The following SNX18 variants were observed in gnomAD, a reference collection of about 807,000 sequenced individuals.
SNX18 encodes the protein sorting nexin-18.
Under a neutral mutation model 48.7 loss-of-function variants are expected in SNX18, and 35 were observed. The ratio of observed to expected loss-of-function variants is 0.72; its 90% CI spans 0.55 to 0.95. The LOEUF (loss-of-function observed/expected upper bound fraction) is 0.95. Ranked by LOEUF, SNX18 falls within the 40% of genes least tolerant of loss-of-function variation. The pLI is 0.00. For synonymous variants in SNX18, 492 were observed against 384.7 expected, an observed-to-expected ratio of 1.28 and a Z score of -3.26; for missense variants, 824 against 871.0, an observed-to-expected ratio of 0.95 and a Z score of 0.68.
the SNX18 span, among the ~76,000 whole-genome samples, chr5:54,578,392 C>A: frequency 6.6e-6 from 1 of 152,196 alleles, no homozygotes; most frequent in African/African-American, 2.4e-5. Context: ...CAACTGTTTT[C>A]CCCCGTCCCC....
chr5:54,646,019 T>C, the SNX18 span: 3 of 152,332 alleles, frequency 2.0e-5, no homozygotes, highest in South Asian at 6.2e-4. Flanking sequence ...GGCCGGCTGG[T>C]TGGGAAACTT....
chr5:54,599,447 C>T, the SNX18 span, among the ~76,000 whole-genome samples: 1 of 152,118 alleles, frequency 6.6e-6, no homozygotes, highest in Non-Finnish European at 1.5e-5. Flanking sequence ...CATTAAACTA[C>T]CATTGACATT....
the SNX18 span, among the ~76,000 whole-genome samples, chr5:54,560,546 T>C: frequency 6.6e-6 from 1 of 152,160 alleles, no homozygotes; most frequent in African/African-American, 2.4e-5. Flanking sequence ...ACCTGAGTGA[T>C]GAAATAGTCT....
the SNX18 span, among the ~76,000 whole-genome samples, chr5:54,646,375 A>G: frequency 6.6e-6 from 1 of 152,236 alleles, no homozygotes; most frequent in African/African-American, 2.4e-5. Flanking sequence ...ACATGCCGGA[A>G]GTGAAACAGA....
Position 54,517,972 on chromosome 5 carries a change from C to T in SNX18, c.20C>T (p.Ala7Val), listed in dbSNP as rs1159260645. The change falls in exon 1 of 2, where the codon GCG becomes GTG. Residue 7 changes from alanine (A) to valine (V), a missense_variant. Transcript: ENST00000381410. MALRAR[A>V]LYDFRSENPG... ...GGGACCATGGCGCTGCGCGCCCGGG[C>T]GCTGTACGACTTCAGGTCGGAGAAC... 2.6e-6 allele frequency: 4 copies of T among 1,527,150 alleles called. No homozygotes were observed. The highest frequency in any genetic ancestry group is 3.5e-6 in the Non-Finnish European group (4 of 1,139,596). 94.6% of individuals were successfully genotyped at this position (1,527,150 alleles called of 1,614,324 possible).
chr5:54,647,910 G>A, the SNX18 span, among the ~76,000 whole-genome samples: 2 of 152,140 alleles, frequency 1.3e-5, no homozygotes, highest in Admixed American at 1.3e-4. Flanking sequence ...AGATGGAGAT[G>A]TCAAGGGTGA....
At chr5:54,573,300 A>G in the SNX18 span, among the ~76,000 whole-genome samples, 1 of 151,936 alleles carries the variant, frequency 6.6e-6, no homozygotes, top group East Asian at 1.9e-4. Context: ...TCCTTTCACT[A>G]CTTTTCTCTC....
chr5:54,605,132 G>A, the SNX18 span, among the ~76,000 whole-genome samples: 8 of 152,126 alleles, frequency 5.3e-5, no homozygotes, highest in Non-Finnish European at 7.4e-5. Context: ...GTCAGCATGA[G>A]GGCTGACTTC....
At chr5:54,561,355 T>A in the SNX18 span, among the ~76,000 whole-genome samples, 3 of 151,218 alleles carry the variant, frequency 2.0e-5, no homozygotes, top group African/African-American at 7.3e-5. Flanking sequence ...TTTATTTTTT[T>A]AAATTTTTAT....
chr5:54,567,784 C>G, the SNX18 span, among the ~76,000 whole-genome samples: 1 of 152,154 alleles, frequency 6.6e-6, no homozygotes, highest in African/African-American at 2.4e-5. Flanking sequence ...TCGGAAGGCA[C>G]CTCACCTCGA....
At chr5:54,520,713 A>C (rs570544782) in intron 1 of SNX18, 8 of 167,226 alleles carry the variant, frequency 4.8e-5, no homozygotes, top group Non-Finnish European at 8.8e-5. Flanking sequence ...CCGCCTTCAG[A>C]CATTTGGAGA....
the SNX18 span, among the ~76,000 whole-genome samples, chr5:54,630,065 G>T: frequency 2.1e-4 from 32 of 152,332 alleles, no homozygotes; most frequent in Admixed American, 1.9e-3. Flanking sequence ...TTGGTGTCAG[G>T]TTCCTCTCGA....
downstream of SNX18, among the ~76,000 whole-genome samples, chr5:54,547,089 G>A (rs922167208): frequency 2.6e-5 from 4 of 152,168 alleles, no homozygotes; most frequent in African/African-American, 7.2e-5. Flanking sequence ...TTACATATAT[G>A]TTTTTTCTCC....
chr5:54,614,276 CT>C, the SNX18 span, among the ~76,000 whole-genome samples: 5 of 152,094 alleles, frequency 3.3e-5, no homozygotes, highest in African/African-American at 9.7e-5. Flanking sequence ...AAACTAGGCC[CT>C]GCTGGAAACA....
At chr5:54,570,185 A>G in the SNX18 span, among the ~76,000 whole-genome samples, 1 of 152,328 alleles carries the variant, frequency 6.6e-6, no homozygotes, top group East Asian at 1.9e-4. Flanking sequence ...GCACCAAGTG[A>G]TGAGGAAGGT....
At chr5:54,522,014 C>T (rs553857859) in intron 1 of SNX18, among the ~76,000 whole-genome samples, 1 of 152,202 alleles carries the variant, frequency 6.6e-6, no homozygotes, top group Non-Finnish European at 1.5e-5. Flanking sequence ...TTGGAAAGAA[C>T]AGCAGTTGAT....
chr5:54,549,264 A>T (rs777406212), downstream of SNX18, among the ~76,000 whole-genome samples: 1 of 152,202 alleles, frequency 6.6e-6, no homozygotes, highest in Non-Finnish European at 1.5e-5. Flanking sequence ...GAGCTGCAGT[A>T]TTTAAATAAT....
At chr5:54,611,398 C>CA in the SNX18 span, among the ~76,000 whole-genome samples, 23 of 150,924 alleles carry the variant, frequency 1.5e-4, no homozygotes, top group East Asian at 1.9e-4. Flanking sequence ...ACTCTACAGT[C>CA]AAAAAAAAAT....
At chr5:54,624,981 T>C in the SNX18 span, among the ~76,000 whole-genome samples, 1 of 152,214 alleles carries the variant, frequency 6.6e-6, no homozygotes, top group East Asian at 1.9e-4. Flanking sequence ...AAAGTTTACA[T>C]TTTTTTCCCT....
Sources: gnomAD v4.1 joint callset for allele counts (sites outside exome capture counted in the v4.1 genomes callset) on GRCh38, gnomAD v4.1.1 for gene constraint, MANE v1.5 for transcripts, NCBI Gene and HGNC (gene_info 2026-07-23, HGNC 2026-07-21) for gene names.